PARD3: variants seen among roughly 807,000 people sequenced by gnomAD.
PARD3 encodes par-3 family cell polarity regulator, also known as partitioning defective 3 homolog.
In PARD3, 75 loss-of-function variants were observed where a neutral mutation model predicts 155.4. The observed-to-expected ratio is 0.48, with a 90% CI of 0.40 to 0.58. The LOEUF is 0.58. PARD3 is among the 20% of genes least tolerant of loss of function. The pLI is 0.00. For missense variants in PARD3, 1,642 were observed against 1,721.7 expected, an observed-to-expected ratio of 0.95 and a Z score of 0.82; for synonymous variants, 576 against 610.5, an observed-to-expected ratio of 0.94 and a Z score of 0.83.
At position 34,356,187 on chromosome 10, in the gene PARD3, G is replaced by A. The variant is rs150171462; in HGVS notation, c.2067+2960C>T. ...GAGAATGTCTCCAATGTGCCCTGTC[G>A]CGACTAATGTTAGGGAAATACAGGG... On this transcript the variant is annotated intron_variant, in intron 14 of 24. Transcript: ENST00000374788. 3.8e-3 allele frequency among the ~76,000 whole-genome samples: 573 copies of A among 152,124 alleles called. 3 individuals are homozygous for A. The highest frequency in any genetic ancestry group is 0.013 in the African/African-American group (539 of 41,514).
chr10:34,384,327 C>A, intron 7 of PARD3, 73 bp from the exon 8 acceptor site: 1 of 1,327,360 alleles, frequency 7.5e-7, no homozygotes, highest in Admixed American at 2.0e-5. Flanking sequence ...CACTTTAATG[C>A]TGTTATTATA....
intron 3 of PARD3, among the ~76,000 whole-genome samples, chr10:34,498,163 T>C (rs773991): frequency 0.52 from 78,375 of 151,988 alleles, 23,791 homozygotes; most frequent in African/African-American, 0.86. Flanking sequence ...AGCATAGAAT[T>C]AAGCTTGAAA....
intron 3 of PARD3, among the ~76,000 whole-genome samples, chr10:34,500,450 G>T (rs2080610125): frequency 6.6e-6 from 1 of 152,134 alleles, no homozygotes; most frequent in Admixed American, 6.5e-5. Context: ...TATTAAAATT[G>T]TCTAAAATAG....
chr10:34,262,339 C>T (rs1013212003), intron 22 of PARD3, among the ~76,000 whole-genome samples: 17 of 151,928 alleles, frequency 1.1e-4, no homozygotes, highest in African/African-American at 4.1e-4. Context: ...TGATCATGGC[C>T]CACTGCAGCC....
At chr10:34,221,975 A>G (rs759946879) in intron 22 of PARD3, among the ~76,000 whole-genome samples, 4 of 152,252 alleles carry the variant, frequency 2.6e-5, no homozygotes, top group Non-Finnish European at 4.4e-5. Flanking sequence ...CAGTGTGAAT[A>G]CACTTAATGT....
Position 34,348,778 on chromosome 10 carries a change from G to T in PARD3, c.2068-663C>A, listed in dbSNP as rs555938210. Among the ~76,000 whole-genome samples, 73 of 152,046 alleles carry T rather than the reference G, an allele frequency of 4.8e-4. No homozygotes were observed. The Middle Eastern group carries it at 0.014, about 28-fold the overall frequency. On this transcript the variant is annotated intron_variant, in intron 14 of 24. Coordinates refer to ENST00000374788, the MANE Select transcript of PARD3 (RefSeq NM_001184785.2). Reference sequence around the variant, plus strand: ...GTGTACAGAACAATATGAAAATCGGGACCAAATATTCTAATAAAGCACACC... The same window carrying T: ...GTGTACAGAACAATATGAAAATCGGTACCAAATATTCTAATAAAGCACACC...
At chr10:34,751,744 C>T (rs1836062995) in intron 1 of PARD3, among the ~76,000 whole-genome samples, 2 of 151,418 alleles carry the variant, frequency 1.3e-5, no homozygotes, top group Middle Eastern at 3.4e-3. Flanking sequence ...GCTGGGACCA[C>T]ATGTGTATGT....
At chr10:34,212,775 A>T (rs1366517278) in intron 22 of PARD3, among the ~76,000 whole-genome samples, 1 of 152,142 alleles carries the variant, frequency 6.6e-6, no homozygotes, top group African/African-American at 2.4e-5. Flanking sequence ...CCTTACATTG[A>T]GGATGAACTG....
intron 2 of PARD3, among the ~76,000 whole-genome samples, chr10:34,684,189 G>A (rs895708798): frequency 6.6e-6 from 1 of 152,156 alleles, no homozygotes; most frequent in Admixed American, 6.5e-5. Context: ...GAATTAAGCA[G>A]AAGTAGAATA....
intron 5 of PARD3, among the ~76,000 whole-genome samples, chr10:34,403,789 C>T (rs79183359): frequency 3.3e-5 from 5 of 152,150 alleles, no homozygotes; most frequent in African/African-American, 9.7e-5. Flanking sequence ...AATGTAAACA[C>T]GAACTCCCAA....
intron 2 of PARD3, among the ~76,000 whole-genome samples, chr10:34,579,521 C>T (rs143958284): frequency 7.5e-4 from 111 of 148,210 alleles, no homozygotes; most frequent in African/African-American, 2.6e-3. Flanking sequence ...TGTCAGACAA[C>T]GTGAACTAAA....
At chr10:34,427,577 C>A (rs898182178) in intron 5 of PARD3, among the ~76,000 whole-genome samples, 3 of 152,164 alleles carry the variant, frequency 2.0e-5, no homozygotes, top group Admixed American at 2.0e-4. Context: ...TGTGACCTCG[C>A]CCTGACCTCC....
At chr10:34,294,404 A>G (rs538981000) in intron 20 of PARD3, among the ~76,000 whole-genome samples, 2 of 152,368 alleles carry the variant, frequency 1.3e-5, no homozygotes, top group South Asian at 4.1e-4. Flanking sequence ...TAATGTGATC[A>G]TTAAAGTTTT....
intron 22 of PARD3, among the ~76,000 whole-genome samples, chr10:34,194,554 G>A (rs1248910586): frequency 6.6e-6 from 1 of 151,072 alleles, no homozygotes; most frequent in South Asian, 2.1e-4. Flanking sequence ...AAATCAGTTG[G>A]AACTGTTTCG....
Position 34,273,969 on chromosome 10 carries a change from G to T in PARD3, c.3177-4070C>A, listed in dbSNP as rs541256501. Among the ~76,000 whole-genome samples, 10 of 152,192 alleles carry T rather than the reference G, an allele frequency of 6.6e-5. No homozygotes were observed. In the South Asian group the frequency reaches 1.7e-3, roughly 25 times the overall value. ...TTGAGAAGGGGCTATTTGTCATCAAGCAGGACTTTTACCAGAACTGGTCAC... is the reference window on the plus strand; with the variant it reads ...TTGAGAAGGGGCTATTTGTCATCAATCAGGACTTTTACCAGAACTGGTCAC... On this transcript the variant is annotated intron_variant, in intron 21 of 24. Coordinates refer to ENST00000374788, the MANE Select transcript of PARD3 (RefSeq NM_001184785.2).
chr10:34,312,626 T>C (rs544505160), intron 20 of PARD3, among the ~76,000 whole-genome samples: 3 of 152,286 alleles, frequency 2.0e-5, no homozygotes, highest in African/African-American at 7.2e-5. Context: ...TCTTCAAAAC[T>C]GAATAAAACA....
At chr10:34,157,151 C>A (rs1435360733) in intron 22 of PARD3, among the ~76,000 whole-genome samples, 1 of 152,224 alleles carries the variant, frequency 6.6e-6, no homozygotes, top group Non-Finnish European at 1.5e-5. Context: ...GAGATCTGCA[C>A]ACTTGCTAGG....
intron 11 of PARD3, among the ~76,000 whole-genome samples, chr10:34,373,606 AT>A (rs1840918985): frequency 6.6e-6 from 1 of 152,012 alleles, no homozygotes; most frequent in African/African-American, 2.4e-5. Context: ...TAAGCACAAA[AT>A]TGGATAACAG....
chr10:34,144,835 G>A (rs1841038735), intron 22 of PARD3, among the ~76,000 whole-genome samples: 1 of 151,966 alleles, frequency 6.6e-6, no homozygotes, highest in Non-Finnish European at 1.5e-5. Context: ...GGCTTATTAA[G>A]CCCAATTTTT....
Sources: allele counts gnomAD v4.1 joint callset (sites outside exome capture counted in the v4.1 genomes callset), GRCh38; gene constraint gnomAD v4.1.1; transcripts MANE v1.5; gene names NCBI Gene and HGNC (gene_info 2026-07-23, HGNC 2026-07-21).